Variants in DYM observed in about 807,000 individuals in gnomAD.
DYM encodes dymeclin, also known as dyggve-Melchior-Clausen syndrome protein.
DYM carries 78 observed loss-of-function variants against 93.1 expected under a neutral mutation model. That is an observed-to-expected ratio of 0.84 (90% CI 0.70 to 1.01). DYM has a LOEUF of 1.01. Ranked by LOEUF, DYM falls within the 50% of genes least tolerant of loss-of-function variation. The probability of loss-of-function intolerance (pLI) is 0.00; values close to 1 mark genes in which losing one functional copy is unlikely to be tolerated. For synonymous variants in DYM, 321 were observed against 319.7 expected (o/e 1.00, Z -0.04); for missense variants, 789 against 845.0 (o/e 0.93, Z 0.82).
At chr18:49,288,738 C>T (rs1215806782) in intron 8 of DYM, among the ~76,000 whole-genome samples, 1 of 151,848 alleles carries the variant, frequency 6.6e-6, no homozygotes, top group African/African-American at 2.4e-5. Context: ...CGAGATCATG[C>T]CACTGCACTC....
chr18:49,094,373 G>A (rs1341599932), intron 17 of DYM, among the ~76,000 whole-genome samples: 2 of 152,186 alleles, frequency 1.3e-5, no homozygotes, highest in Non-Finnish European at 2.9e-5. Context: ...CGGCTTCTAA[G>A]TCGGCTCCCA....
At chr18:49,450,010 G>A (rs1386544722) in intron 1 of DYM, among the ~76,000 whole-genome samples, 5 of 152,180 alleles carry the variant, frequency 3.3e-5, no homozygotes, top group African/African-American at 1.2e-4. Context: ...ACAGTGAAAT[G>A]TGTTTTTTAG....
intron 13 of DYM, among the ~76,000 whole-genome samples, chr18:49,211,660 A>G (rs1342392555): frequency 6.6e-6 from 1 of 152,214 alleles, no homozygotes; most frequent in African/African-American, 2.4e-5. Context: ...TATCTACTGC[A>G]TGTGGGAATA....
At chr18:49,196,778 A>C (rs2091495187) in intron 14 of DYM, among the ~76,000 whole-genome samples, 1 of 152,190 alleles carries the variant, frequency 6.6e-6, no homozygotes, top group Non-Finnish European at 1.5e-5. Context: ...TGAGCAAGGA[A>C]GATACATGTA....
intron 8 of DYM, among the ~76,000 whole-genome samples, chr18:49,298,946 C>T (rs1160252802): frequency 6.6e-6 from 1 of 152,096 alleles, no homozygotes; most frequent in East Asian, 1.9e-4. Flanking sequence ...GAGATAAATC[C>T]TATCTCACCC....
intron 14 of DYM, among the ~76,000 whole-genome samples, chr18:49,169,442 A>G (rs1167866367): frequency 2.0e-5 from 3 of 152,228 alleles, no homozygotes; most frequent in Non-Finnish European, 2.9e-5. Flanking sequence ...GAGCACAGCA[A>G]TGAGGCTGGG....
intron 2 of DYM, among the ~76,000 whole-genome samples, chr18:49,402,855 A>G (rs989910889): frequency 6.6e-6 from 1 of 152,214 alleles, no homozygotes; most frequent in South Asian, 2.1e-4. Flanking sequence ...CCCCTGGTAT[A>G]ATGGAAAGCG....
At chr18:49,433,975 C>A (rs886257515) in intron 1 of DYM, among the ~76,000 whole-genome samples, 1 of 152,098 alleles carries the variant, frequency 6.6e-6, no homozygotes, top group African/African-American at 2.4e-5. Flanking sequence ...CCTGAGAGGC[C>A]AAGGCGGATG....
intron 8 of DYM, chr18:49,321,507 A>G (rs1032043335): frequency 6.3e-5 from 25 of 394,322 alleles, no homozygotes; most frequent in African/African-American, 4.5e-4. Context: ...TTGACATTAG[A>G]TTATTTCCAA....
chr18:49,244,172 G>A lies in DYM; in HGVS notation c.1460+12838C>T, dbSNP rs191923141. 1.8e-4 allele frequency among the ~76,000 whole-genome samples: 27 copies of A among 152,242 alleles called. No homozygotes were observed. The East Asian group carries it at 3.3e-3, about 19-fold the overall frequency. ...AACTAACTTCTCTCCTACTCATTTA[G>A]AGGGTATTTGCTACGTATGACTATC... On this transcript the variant is annotated intron_variant, in intron 13 of 17. Coordinates refer to ENST00000675505, the MANE Select transcript of DYM (RefSeq NM_001353214.3).
intron 1 of DYM, among the ~76,000 whole-genome samples, chr18:49,430,843 C>T (rs1367643984): frequency 1.3e-5 from 2 of 151,008 alleles, no homozygotes; most frequent in Non-Finnish European, 2.9e-5. Flanking sequence ...CAAGATCGCG[C>T]CACTGCACTC....
At chr18:49,378,403 C>A (rs1454428729) in intron 5 of DYM, among the ~76,000 whole-genome samples, 164 bp downstream of exon 5, 1 of 152,088 alleles carries the variant, frequency 6.6e-6, no homozygotes, top group East Asian at 1.9e-4. Flanking sequence ...AGTCTTGACT[C>A]ATTTAAATTA....
chr18:49,190,014 T>C (rs2090822953), intron 14 of DYM, among the ~76,000 whole-genome samples: 1 of 152,246 alleles, frequency 6.6e-6, no homozygotes, highest in African/African-American at 2.4e-5. Context: ...ATCACAACAC[T>C]GTTTCAATAG....
At chr18:49,339,937 T>A (rs1462747837) in intron 6 of DYM, among the ~76,000 whole-genome samples, 1 of 150,960 alleles carries the variant, frequency 6.6e-6, no homozygotes, top group Non-Finnish European at 1.5e-5. Context: ...TTTTTTGGGG[T>A]TTTTTGTTTG....
intron 16 of DYM, among the ~76,000 whole-genome samples, chr18:49,101,303 G>C (rs1377343608): frequency 6.6e-6 from 1 of 152,146 alleles, no homozygotes; most frequent in Admixed American, 6.5e-5. Flanking sequence ...CTTTTCCAAA[G>C]CGCATGTTTT....
At chr18:49,292,618 A>C (rs1295094499) in intron 8 of DYM, among the ~76,000 whole-genome samples, 2 of 135,014 alleles carry the variant, frequency 1.5e-5, no homozygotes, top group South Asian at 2.4e-4. Flanking sequence ...AAAAAAAAAA[A>C]AAAAAAACCC....
intron 10 of DYM, among the ~76,000 whole-genome samples, chr18:49,272,946 GAC>G (rs1444942223): frequency 3.3e-5 from 5 of 151,906 alleles, no homozygotes; most frequent in African/African-American, 1.2e-4. Flanking sequence ...AAGATGGGCA[GAC>G]TATCTACATA....
chr18:49,100,523 T>A (rs2080027343), intron 16 of DYM, among the ~76,000 whole-genome samples: 1 of 152,122 alleles, frequency 6.6e-6, no homozygotes, highest in Non-Finnish European at 1.5e-5. Context: ...TGAAGCTGGG[T>A]TTCCAACTAA....
intron 6 of DYM, among the ~76,000 whole-genome samples, chr18:49,352,874 G>T (rs1419530753): frequency 1.3e-5 from 2 of 151,916 alleles, no homozygotes; most frequent in African/African-American, 4.8e-5. Flanking sequence ...TACTGGGAGG[G>T]TCTGATTTTT....
Sources: allele counts gnomAD v4.1 joint callset (sites outside exome capture counted in the v4.1 genomes callset), GRCh38; gene constraint gnomAD v4.1.1; transcripts MANE v1.5; gene names NCBI Gene and HGNC (gene_info 2026-07-23, HGNC 2026-07-21).